PLCB4: variants seen among roughly 807,000 people sequenced by gnomAD.
PLCB4 encodes the protein 1-phosphatidylinositol 4,5-bisphosphate phosphodiesterase beta-4.
In PLCB4, 77 loss-of-function variants were observed where a neutral mutation model predicts 178.8. The observed-to-expected ratio is 0.43, with a 90% CI of 0.36 to 0.52. PLCB4 has a LOEUF of 0.52. Ranked by LOEUF, PLCB4 falls within the 20% of genes least tolerant of loss-of-function variation. The pLI is 0.00. For missense variants in PLCB4, 1,024 were observed against 1,453.4 expected (o/e 0.70, Z 4.80); for synonymous variants, 496 against 490.8 (o/e 1.01, Z -0.14).
intron 25 of PLCB4, among the ~76,000 whole-genome samples, chr20:9,411,598 T>G (rs1014612393): frequency 2.0e-5 from 3 of 152,186 alleles, no homozygotes; most frequent in Non-Finnish European, 4.4e-5. Flanking sequence ...GCTGTGAATA[T>G]TGTCCTAGTT....
intron 2 of PLCB4, among the ~76,000 whole-genome samples, chr20:9,153,053 G>A (rs774565097): frequency 6.6e-6 from 1 of 152,126 alleles, no homozygotes; most frequent in Admixed American, 6.5e-5. Flanking sequence ...CCTCCTATTT[G>A]GAACAGCTGT....
intron 2 of PLCB4, among the ~76,000 whole-genome samples, chr20:9,146,803 A>G (rs974436044): frequency 1.3e-5 from 2 of 152,102 alleles, no homozygotes; most frequent in Admixed American, 6.6e-5. Context: ...TAATAAGAGG[A>G]TGGCAATGGG....
intron 2 of PLCB4, among the ~76,000 whole-genome samples, chr20:9,132,469 G>T (rs745864362): frequency 6.6e-6 from 1 of 152,188 alleles, no homozygotes; most frequent in African/African-American, 2.4e-5. Flanking sequence ...GAAAAGAGCA[G>T]TGACTCCAAG....
At chr20:9,344,049 T>C (rs2033534075) in intron 7 of PLCB4, among the ~76,000 whole-genome samples, 1 of 152,218 alleles carries the variant, frequency 6.6e-6, no homozygotes, top group South Asian at 2.1e-4. Context: ...AAACAGCAGC[T>C]GGAGGGATGT....
chr20:9,138,132 T>C (rs959336317), intron 2 of PLCB4, among the ~76,000 whole-genome samples: 3 of 152,106 alleles, frequency 2.0e-5, no homozygotes, highest in South Asian at 2.1e-4. Flanking sequence ...ATAATGAACG[T>C]ATCAGGAAGA....
intron 2 of PLCB4, among the ~76,000 whole-genome samples, chr20:9,136,665 T>C (rs910208966): frequency 1.3e-5 from 2 of 152,058 alleles, no homozygotes; most frequent in East Asian, 1.9e-4. Context: ...TCAGAAAGAA[T>C]TGCAAATGGG....
chr20:9,158,874 T>C (rs2092836338), intron 2 of PLCB4, among the ~76,000 whole-genome samples: 1 of 152,210 alleles, frequency 6.6e-6, no homozygotes, highest in Admixed American at 6.5e-5. Flanking sequence ...TAGGAGAGTC[T>C]GTCTTATTCC....
chr20:9,439,998 A>C (rs571029670), intron 30 of PLCB4, among the ~76,000 whole-genome samples: 3 of 152,356 alleles, frequency 2.0e-5, no homozygotes, highest in Admixed American at 2.0e-4. Context: ...AGCTATGCTT[A>C]TTCAAATGTT....
intron 2 of PLCB4, among the ~76,000 whole-genome samples, chr20:9,100,636 G>C (rs1290810272): frequency 6.6e-6 from 1 of 152,144 alleles, no homozygotes; most frequent in Non-Finnish European, 1.5e-5. Flanking sequence ...TTTTGTTTTT[G>C]ATAGAGAATT....
At chr20:9,253,785 A>G (rs978533278) in intron 3 of PLCB4, among the ~76,000 whole-genome samples, 23 of 152,202 alleles carry the variant, frequency 1.5e-4, no homozygotes, top group African/African-American at 5.6e-4. Flanking sequence ...GGTTTCCTGA[A>G]GATTTAGAAG....
At chr20:9,221,986 G>C (rs1464910116) in intron 3 of PLCB4, among the ~76,000 whole-genome samples, 1 of 149,282 alleles carries the variant, frequency 6.7e-6, no homozygotes, top group Non-Finnish European at 1.5e-5. Flanking sequence ...AAGCTTTTAA[G>C]GGAAATATAT....
At chr20:9,391,863 A>C (rs1434389379) in intron 17 of PLCB4, among the ~76,000 whole-genome samples, 1 of 152,114 alleles carries the variant, frequency 6.6e-6, no homozygotes, top group Non-Finnish European at 1.5e-5. Context: ...TCTGCCTTCC[A>C]GGGTTTCCCA....
At chr20:9,299,442 C>T (rs1336007930) in intron 3 of PLCB4, among the ~76,000 whole-genome samples, 5 of 151,764 alleles carry the variant, frequency 3.3e-5, no homozygotes, top group East Asian at 3.9e-4. Flanking sequence ...TAGTTTTTCC[C>T]GTTGTAAAAC....
At chr20:9,268,154 T>G (rs1031801606) in intron 3 of PLCB4, among the ~76,000 whole-genome samples, 7 of 152,186 alleles carry the variant, frequency 4.6e-5, no homozygotes, top group Non-Finnish European at 1.0e-4. Flanking sequence ...ATCAATTAAT[T>G]CAGTAAAGAC....
intron 2 of PLCB4, among the ~76,000 whole-genome samples, chr20:9,138,239 A>G (rs1323213521): frequency 6.6e-6 from 1 of 152,078 alleles, no homozygotes; most frequent in Non-Finnish European, 1.5e-5. Context: ...TGGCCTTTGG[A>G]GAAATGCCTG....
chr20:9,317,148 C>T (rs939788841), intron 4 of PLCB4, among the ~76,000 whole-genome samples: 1 of 152,148 alleles, frequency 6.6e-6, no homozygotes, highest in East Asian at 1.9e-4. Context: ...AGAAGACAAA[C>T]AATGCCACAT....
At chr20:9,133,871 T>A (rs1461694446) in intron 2 of PLCB4, among the ~76,000 whole-genome samples, 1 of 152,164 alleles carries the variant, frequency 6.6e-6, no homozygotes, top group Non-Finnish European at 1.5e-5. Context: ...TTAGGAGACA[T>A]CAGTGTCAAC....
At chr20:9,251,437 T>A (rs1239993833) in intron 3 of PLCB4, among the ~76,000 whole-genome samples, 1 of 152,218 alleles carries the variant, frequency 6.6e-6, no homozygotes, top group Admixed American at 6.5e-5. Flanking sequence ...AGAACAATTA[T>A]TTTTTATCTA....
chr20:9,216,946 C>T (rs919747259), intron 2 of PLCB4, among the ~76,000 whole-genome samples: 7 of 152,120 alleles, frequency 4.6e-5, no homozygotes, highest in African/African-American at 9.6e-5. Flanking sequence ...AAAGACAATA[C>T]GGAAACAGCC....
Sources: allele counts gnomAD v4.1 joint callset (sites outside exome capture counted in the v4.1 genomes callset), GRCh38; gene constraint gnomAD v4.1.1; transcripts MANE v1.5; gene names NCBI Gene and HGNC (gene_info 2026-07-23, HGNC 2026-07-21).